DLGAP1: variants seen among roughly 807,000 people sequenced by gnomAD.
DLGAP1 encodes the protein DLG associated protein 1.
DLGAP1 carries 11 observed loss-of-function variants against 90.8 expected under a neutral mutation model. The ratio of observed to expected loss-of-function variants is 0.12; its 90% CI spans 0.08 to 0.20. The LOEUF (loss-of-function observed/expected upper bound fraction) is 0.20. Among genes scored for constraint, DLGAP1 ranks in the 10% least tolerant of loss-of-function variants. DLGAP1 has a pLI of 1.00. For synonymous variants in DLGAP1, 558 were observed against 540.7 expected (o/e 1.03, Z -0.44); for missense variants, 1,050 against 1,333.8 (o/e 0.79, Z 3.31).
chr18:3,692,101 G>C (rs2060917411), intron 7 of DLGAP1, among the ~76,000 whole-genome samples: 1 of 152,098 alleles, frequency 6.6e-6, no homozygotes. Context: ...ATCCTTAGGA[G>C]GACTTTGAAA....
At chr18:3,755,727 C>T (rs777670659) in intron 5 of DLGAP1, among the ~76,000 whole-genome samples, 7 of 152,166 alleles carry the variant, frequency 4.6e-5, no homozygotes, top group Non-Finnish European at 7.4e-5. Flanking sequence ...AGTAGTTAGA[C>T]ACTTCAATAC....
intron 7 of DLGAP1, among the ~76,000 whole-genome samples, chr18:3,658,080 G>C: frequency 6.6e-6 from 1 of 151,976 alleles, no homozygotes. Context: ...GCCTCTTTCA[G>C]CTTCAATACT....
At chr18:4,068,207 G>T (rs895322864) in intron 2 of DLGAP1, among the ~76,000 whole-genome samples, 1 of 151,586 alleles carries the variant, frequency 6.6e-6, no homozygotes, top group Non-Finnish European at 1.5e-5. Context: ...AATGCAATAT[G>T]GGCTTGATGA....
chr18:3,769,371 T>C (rs2064407403), intron 5 of DLGAP1, among the ~76,000 whole-genome samples: 1 of 152,168 alleles, frequency 6.6e-6, no homozygotes. Context: ...GCAACTACTA[T>C]ATGACCCAAG....
intron 1 of DLGAP1, among the ~76,000 whole-genome samples, chr18:4,195,032 C>T (rs2144761213): frequency 6.6e-6 from 1 of 152,224 alleles, no homozygotes; most frequent in Admixed American, 6.5e-5. Flanking sequence ...CTTTTTCCTC[C>T]TGTCTACCTG....
chr18:3,977,985 C>T (rs2073634230), intron 3 of DLGAP1: 1 of 363,714 alleles, frequency 2.7e-6, no homozygotes, highest in Non-Finnish European at 5.4e-6. Flanking sequence ...ACTTTGCCTA[C>T]AGCCTTGGTA....
In DLGAP1 at chr18:3,769,858, A is replaced by G. The variant is rs138276651; in HGVS notation, c.1173-27346T>C. Among the ~76,000 whole-genome samples, 602 of 152,034 alleles carry G rather than the reference A, an allele frequency of 4.0e-3. 9 individuals are homozygous for G. Among genetic ancestry groups the G allele is most frequent in the African/African-American group, 0.014 (576 of 41,386 alleles). On this transcript the variant is annotated intron_variant, in intron 5 of 12. Coordinates refer to ENST00000315677, the MANE Select transcript of DLGAP1 (RefSeq NM_004746.4). ...TGTTACCACGGTGGGTGGGGGGGGA[A>G]AACTGGGTATAAGGTGCATGAGATC... is the stretch of plus-strand genomic sequence containing the variant.
intron 2 of DLGAP1, among the ~76,000 whole-genome samples, chr18:4,009,467 A>T (rs778988523): frequency 3.3e-5 from 5 of 151,964 alleles, no homozygotes; most frequent in Non-Finnish European, 5.9e-5. Flanking sequence ...TTCCTCATTC[A>T]CTCAACCAGC....
chr18:4,070,517 T>G (rs1373771602), intron 2 of DLGAP1, among the ~76,000 whole-genome samples: 5 of 54,744 alleles, frequency 9.1e-5, no homozygotes, highest in Admixed American at 4.0e-4. Flanking sequence ...AAAGTATATT[T>G]TTTTTGCATA....
intron 3 of DLGAP1, among the ~76,000 whole-genome samples, chr18:3,969,845 G>A (rs1024799828): frequency 1.3e-5 from 2 of 152,122 alleles, no homozygotes; most frequent in Non-Finnish European, 2.9e-5. Context: ...TGTGTTTCAC[G>A]TAAAGGGCCT....
chr18:3,689,575 G>GAAGAATTGCTGAAGA (rs1308125492), intron 7 of DLGAP1, among the ~76,000 whole-genome samples: 2 of 152,210 alleles, frequency 1.3e-5, no homozygotes, highest in Admixed American at 1.3e-4. Flanking sequence ...GTGGGAAGCT[G>GAAGAATTGCTGAAGA]ATATGTGTGG....
Position 3,534,466 on chromosome 18 carries a change from G to A in DLGAP1, c.2207C>T (p.Thr736Ile). 6.2e-7 allele frequency: 1 copy of A among 1,614,222 alleles called. No homozygotes were observed. The highest frequency in any genetic ancestry group is 8.5e-7 in the Non-Finnish European group (1 of 1,180,034). ...TGAGCCCTGAATGCTGACTGTGGAG[G>A]TGCTGGCATCGCGGGAGAACTGTCT... ...MARQFSRDAS[T>I]STVSIQGSGN... Residue 736 changes from threonine to isoleucine, a missense_variant, in exon 10 of 13, where the codon ACC (threonine) becomes ATC (isoleucine). This residue lies in a region of DLGAP1 where 565 missense variants were observed against 879.7 expected (regional missense o/e 0.64). Transcript: ENST00000315677.
intron 1 of DLGAP1, among the ~76,000 whole-genome samples, chr18:4,346,029 C>T (rs1008887972): frequency 1.1e-4 from 17 of 152,138 alleles, no homozygotes; most frequent in Admixed American, 9.8e-4. Context: ...CTTGAAGGGA[C>T]TCAAGAGCAC....
chr18:3,897,811 G>A (rs1307532499), intron 3 of DLGAP1, among the ~76,000 whole-genome samples: 4 of 129,326 alleles, frequency 3.1e-5, no homozygotes, highest in East Asian at 4.5e-4. Flanking sequence ...TTTTTGAGAC[G>A]GAGTCTCGCT....
intron 4 of DLGAP1, among the ~76,000 whole-genome samples, chr18:3,876,757 A>C (rs2071015592): frequency 6.6e-6 from 1 of 152,098 alleles, no homozygotes; most frequent in South Asian, 2.1e-4. Context: ...CAAACGTTTC[A>C]TTACAAAAAT....
At chr18:3,912,512 C>T (rs1260219857) in intron 3 of DLGAP1, among the ~76,000 whole-genome samples, 1 of 152,156 alleles carries the variant, frequency 6.6e-6, no homozygotes, top group African/African-American at 2.4e-5. Flanking sequence ...CAAAGCCCTT[C>T]CCTCAGGGAG....
At chr18:3,892,135 ACACACACACACACACAC>A (rs2071484140) in intron 3 of DLGAP1, 1 of 134,136 alleles carries the variant, frequency 7.5e-6, no homozygotes, top group Non-Finnish European at 1.5e-5. Context: ...ACACACACAC[ACACACACACACACACAC>A]ACACACACAC....
chr18:4,203,090 C>G (rs1411005601), intron 1 of DLGAP1, among the ~76,000 whole-genome samples: 1 of 151,968 alleles, frequency 6.6e-6, no homozygotes, highest in African/African-American at 2.4e-5. Flanking sequence ...GCCTGGCCAT[C>G]ATGATGAAAC....
chr18:4,399,792 C>T (rs2082514368), intron 1 of DLGAP1, among the ~76,000 whole-genome samples: 1 of 152,182 alleles, frequency 6.6e-6, no homozygotes, highest in Non-Finnish European at 1.5e-5. Flanking sequence ...ATATCCCTCA[C>T]TTCATAGGGG....
Sources: gnomAD v4.1 joint callset for allele counts (sites outside exome capture counted in the v4.1 genomes callset) on GRCh38, gnomAD v4.1.1 for gene constraint, gnomAD v4.1.1 regional missense constraint, MANE v1.5 for transcripts, NCBI Gene and HGNC (gene_info 2026-07-23, HGNC 2026-07-21) for gene names.